CSMD1: variants seen among roughly 807,000 people sequenced by gnomAD.
CSMD1 encodes the protein CUB and Sushi multiple domains 1.
Under a neutral mutation model 417.5 loss-of-function variants are expected in CSMD1, and 213 were observed. The observed-to-expected ratio is 0.51, with a 90% CI of 0.46 to 0.57. The LOEUF (loss-of-function observed/expected upper bound fraction) is 0.57. Ranked by LOEUF, CSMD1 falls within the 20% of genes least tolerant of loss-of-function variation. The pLI, the probability that CSMD1 is intolerant of heterozygous loss-of-function variation, is 0.00. For missense variants in CSMD1, 6,923 were observed against 4,529.7 expected (o/e 1.53, Z -15.17); for synonymous variants, 2,862 against 1,736.8 (o/e 1.65, Z -16.11).
At chr8:4,670,927 T>G (rs1805279518) in intron 1 of CSMD1, among the ~76,000 whole-genome samples, 1 of 151,478 alleles carries the variant, frequency 6.6e-6, no homozygotes, top group Non-Finnish European at 1.5e-5. Flanking sequence ...CTTTATTAAT[T>G]GAGCAGTCAT....
chr8:4,801,093 G>C (rs775702377), intron 1 of CSMD1, among the ~76,000 whole-genome samples: 1 of 152,242 alleles, frequency 6.6e-6, no homozygotes, highest in South Asian at 2.1e-4. Context: ...ATAAATTCAT[G>C]AGCCAAAATA....
At chr8:4,359,685 C>A (rs372566524) in intron 3 of CSMD1, among the ~76,000 whole-genome samples, 41 of 152,280 alleles carry the variant, frequency 2.7e-4, no homozygotes, top group African/African-American at 9.9e-4. Flanking sequence ...GAATCCTCAG[C>A]CCTCTGGGTT....
intron 2 of CSMD1, among the ~76,000 whole-genome samples, chr8:4,600,571 T>C (rs1800527421): frequency 6.6e-6 from 1 of 152,222 alleles, no homozygotes; most frequent in African/African-American, 2.4e-5. Context: ...TGATGTGCTC[T>C]CCATCCTAAA....
At chr8:3,563,311 G>A (rs1456207728) in intron 10 of CSMD1, among the ~76,000 whole-genome samples, 1 of 151,496 alleles carries the variant, frequency 6.6e-6, no homozygotes, top group African/African-American at 2.4e-5. Context: ...TTAAACAATT[G>A]CTGAATATAA....
At chr8:2,948,510 C>A (rs886395894) in intron 68 of CSMD1, among the ~76,000 whole-genome samples, 2 of 152,078 alleles carry the variant, frequency 1.3e-5, no homozygotes, top group South Asian at 4.1e-4. Context: ...ATAAGTCAAA[C>A]CTCTTTCCAC....
At chr8:3,994,085 C>T (rs933797725) in intron 5 of CSMD1, among the ~76,000 whole-genome samples, 2 of 152,146 alleles carry the variant, frequency 1.3e-5, no homozygotes, top group Non-Finnish European at 2.9e-5. Flanking sequence ...GGCTTCCAGG[C>T]TCTGTCTCAG....
At chr8:3,560,796 G>T (rs190522482) in intron 10 of CSMD1, among the ~76,000 whole-genome samples, 1 of 152,174 alleles carries the variant, frequency 6.6e-6, no homozygotes, top group Admixed American at 6.5e-5. Flanking sequence ...ACCCTATCGA[G>T]CTAGAGAAAG....
At chr8:3,213,175 G>C (rs1161546612) in intron 30 of CSMD1, among the ~76,000 whole-genome samples, 1 of 152,088 alleles carries the variant, frequency 6.6e-6, no homozygotes, top group African/African-American at 2.4e-5. Context: ...GCTGCCAGTA[G>C]CATTGTTAGG....
At chr8:3,914,835 G>C (rs1032489026) in intron 5 of CSMD1, among the ~76,000 whole-genome samples, 4 of 151,986 alleles carry the variant, frequency 2.6e-5, no homozygotes, top group East Asian at 1.9e-4. Flanking sequence ...CCTTATGCTA[G>C]AATGCAAATA....
intron 11 of CSMD1, among the ~76,000 whole-genome samples, chr8:3,487,229 T>A (rs1230788070): frequency 1.3e-5 from 2 of 151,910 alleles, no homozygotes; most frequent in Admixed American, 6.6e-5. Context: ...TGAGACAGAG[T>A]CTAGCTCTGT....
intron 3 of CSMD1, among the ~76,000 whole-genome samples, chr8:4,051,024 C>G (rs1327185836): frequency 6.6e-6 from 1 of 151,978 alleles, no homozygotes; most frequent in Non-Finnish European, 1.5e-5. Context: ...AGCCAGAAAA[C>G]CCACCCCAAC....
intron 3 of CSMD1, among the ~76,000 whole-genome samples, chr8:4,084,774 T>C (rs1330461134): frequency 1.3e-5 from 2 of 150,952 alleles, no homozygotes; most frequent in African/African-American, 4.9e-5. Context: ...GTGGCTTTTA[T>C]GTAGCATTTC....
chr8:3,401,542 G>T (rs1394907629), intron 15 of CSMD1, among the ~76,000 whole-genome samples: 2 of 152,100 alleles, frequency 1.3e-5, no homozygotes, highest in African/African-American at 2.4e-5. Context: ...TAAGTAAATA[G>T]TAAGTAATAA....
intron 3 of CSMD1, among the ~76,000 whole-genome samples, chr8:4,118,755 G>A (rs942758513): frequency 7.2e-5 from 11 of 152,144 alleles, no homozygotes; most frequent in African/African-American, 2.2e-4. Flanking sequence ...TATGCCCAAA[G>A]GAATATGAAT....
intron 5 of CSMD1, among the ~76,000 whole-genome samples, chr8:3,809,625 C>T (rs949354063): frequency 6.6e-6 from 1 of 152,134 alleles, no homozygotes; most frequent in African/African-American, 2.4e-5. Flanking sequence ...CAGTCTGTCT[C>T]TGGTGGCGGC....
chr8:4,081,443 G>T (rs935782567), intron 3 of CSMD1, among the ~76,000 whole-genome samples: 3 of 152,068 alleles, frequency 2.0e-5, no homozygotes, highest in African/African-American at 7.2e-5. Context: ...CACACCTTCT[G>T]GGGACTCCAG....
At chr8:3,753,781 A>G (rs1255004050) in intron 6 of CSMD1, 149 bp downstream of exon 6, 11 of 541,574 alleles carry the variant, frequency 2.0e-5, no homozygotes, top group African/African-American at 3.8e-5. Flanking sequence ...CCAGCTGTCG[A>G]CTATATGATT....
chr8:4,476,964 G>A (rs1315977904), intron 2 of CSMD1, among the ~76,000 whole-genome samples: 1 of 152,216 alleles, frequency 6.6e-6, no homozygotes, highest in Non-Finnish European at 1.5e-5. Flanking sequence ...AGCATGAGGT[G>A]TGCTGCTGAA....
At chr8:3,739,124 G>C (rs538147141) in intron 6 of CSMD1, among the ~76,000 whole-genome samples, 2 of 150,892 alleles carry the variant, frequency 1.3e-5, no homozygotes, top group South Asian at 2.1e-4. Flanking sequence ...ATTTTATTTA[G>C]ATCAGAGTTA....
Sources: allele counts gnomAD v4.1 joint callset (sites outside exome capture counted in the v4.1 genomes callset), GRCh38; gene constraint gnomAD v4.1.1; transcripts MANE v1.5; gene names NCBI Gene and HGNC (gene_info 2026-07-23, HGNC 2026-07-21).